The following MAGI1 variants were observed in gnomAD, a reference collection of about 807,000 sequenced individuals.
MAGI1 encodes the protein membrane-associated guanylate kinase, WW and PDZ domain-containing protein 1.
MAGI1 carries 58 observed loss-of-function variants against 139.9 expected under a neutral mutation model. The observed-to-expected ratio is 0.41, with a 90% CI of 0.34 to 0.52. The LOEUF (loss-of-function observed/expected upper bound fraction) is 0.52. Among genes scored for constraint, MAGI1 ranks in the 20% least tolerant of loss-of-function variants. The pLI is 0.12. For missense variants in MAGI1, 1,874 were observed against 1,901.6 expected (o/e 0.99, Z 0.27); for synonymous variants, 812 against 737.9 (o/e 1.10, Z -1.63).
intron 1 of MAGI1, among the ~76,000 whole-genome samples, chr3:65,961,033 A>T (rs1318289328): frequency 6.6e-6 from 1 of 152,256 alleles, no homozygotes; most frequent in African/African-American, 2.4e-5. Context: ...TTGATATGCC[A>T]AATGAGAAAT....
chr3:65,946,467 C>A (rs1251240521), intron 1 of MAGI1, among the ~76,000 whole-genome samples: 1 of 151,782 alleles, frequency 6.6e-6, no homozygotes, highest in Non-Finnish European at 1.5e-5. Context: ...TTCCGTTGGG[C>A]AGAAATTTCA....
intron 1 of MAGI1, among the ~76,000 whole-genome samples, chr3:65,713,096 T>C (rs1012244084): frequency 2.0e-5 from 3 of 152,286 alleles, no homozygotes; most frequent in Admixed American, 6.5e-5. Context: ...AGAGAGAGAA[T>C]AGCTTTCCAG....
At chr3:65,985,750 G>A (rs1394026206) in intron 1 of MAGI1, among the ~76,000 whole-genome samples, 6 of 152,138 alleles carry the variant, frequency 3.9e-5, no homozygotes, top group Non-Finnish European at 5.9e-5. Context: ...GAGAGGGGGT[G>A]GTTTTCAGTA....
chr3:65,419,319 G>A (rs1043042915), intron 12 of MAGI1, among the ~76,000 whole-genome samples: 1 of 151,832 alleles, frequency 6.6e-6, no homozygotes, highest in African/African-American at 2.4e-5. Context: ...ATGTATGCAT[G>A]CGTGGGTATA....
chr3:65,448,813 G>A (rs930426521), intron 6 of MAGI1, among the ~76,000 whole-genome samples: 1 of 152,006 alleles, frequency 6.6e-6, no homozygotes, highest in African/African-American at 2.4e-5. Flanking sequence ...AATCCTTTCT[G>A]TTCTTGACCT....
chr3:65,459,793 A>G (rs181765502), intron 5 of MAGI1, among the ~76,000 whole-genome samples: 56 of 152,194 alleles, frequency 3.7e-4, no homozygotes, highest in Admixed American at 3.2e-3. Context: ...GTGTAGTGGC[A>G]TGTACCTGTA....
chr3:65,846,990 A>AAC (rs1478660818), intron 1 of MAGI1, among the ~76,000 whole-genome samples: 1 of 151,392 alleles, frequency 6.6e-6, no homozygotes, highest in African/African-American at 2.4e-5. Context: ...AAAAAAAAAA[A>AAC]AAAAAACCCT....
intron 1 of MAGI1, among the ~76,000 whole-genome samples, chr3:65,736,154 C>G (rs1237948931): frequency 1.3e-5 from 2 of 152,206 alleles, no homozygotes; most frequent in Non-Finnish European, 2.9e-5. Context: ...TCATTCAATT[C>G]TCTTATGGTT....
intron 1 of MAGI1, among the ~76,000 whole-genome samples, chr3:65,968,008 T>C (rs2064842409): frequency 6.6e-6 from 1 of 152,192 alleles, no homozygotes; most frequent in Non-Finnish European, 1.5e-5. Flanking sequence ...CTATGACTGG[T>C]GCTGTACGGA....
intron 1 of MAGI1, among the ~76,000 whole-genome samples, chr3:66,027,913 C>T (rs1364931634): frequency 1.3e-5 from 2 of 152,180 alleles, no homozygotes; most frequent in African/African-American, 4.8e-5. Flanking sequence ...AAAATGGCTC[C>T]AGACGTTGCC....
At chr3:65,530,547 G>A (rs180796379) in intron 2 of MAGI1, among the ~76,000 whole-genome samples, 4 of 150,566 alleles carry the variant, frequency 2.7e-5, no homozygotes, top group Non-Finnish European at 5.9e-5. Context: ...AGCCCAGGAG[G>A]CAGAGGTTGC....
intron 1 of MAGI1, among the ~76,000 whole-genome samples, chr3:66,005,433 T>C (rs1468689430): frequency 1.3e-5 from 2 of 152,234 alleles, no homozygotes; most frequent in African/African-American, 4.8e-5. Context: ...GTTACATCAC[T>C]AAGCAGGAAC....
intron 1 of MAGI1, among the ~76,000 whole-genome samples, chr3:65,662,472 G>A (rs75944446): frequency 0.26 from 40,256 of 152,174 alleles, 6,637 homozygotes; most frequent in South Asian, 0.4. Context: ...CCATGGCCGC[G>A]TTCCAGTAAA....
intron 1 of MAGI1, among the ~76,000 whole-genome samples, chr3:65,887,957 C>T (rs1221690349): frequency 6.6e-6 from 1 of 152,164 alleles, no homozygotes; most frequent in African/African-American, 2.4e-5. Context: ...GTATATTACA[C>T]TCTCAATAAC....
chr3:65,688,128 G>A (rs576174978), intron 1 of MAGI1: 140 of 769,632 alleles, frequency 1.8e-4, no homozygotes, highest in African/African-American at 5.0e-4. Context: ...GATTCTAGGT[G>A]CAGGACTGTT....
chr3:65,650,484 A>G (rs1262310041), intron 1 of MAGI1, among the ~76,000 whole-genome samples: 1 of 152,240 alleles, frequency 6.6e-6, no homozygotes, highest in East Asian at 1.9e-4. Flanking sequence ...TACATGCAAC[A>G]GCCTAGAGGA....
intron 1 of MAGI1, among the ~76,000 whole-genome samples, chr3:65,680,059 T>C (rs2087472786): frequency 6.6e-6 from 1 of 152,210 alleles, no homozygotes; most frequent in Non-Finnish European, 1.5e-5. Context: ...ATCCCAAAGC[T>C]TTTTCCCTTC....
At chr3:65,439,817 A>G (rs1948129170) in intron 9 of MAGI1, 62 bp downstream of exon 9, 2 of 1,600,864 alleles carry the variant, frequency 1.2e-6, no homozygotes, top group Admixed American at 1.7e-5. Context: ...CGAGGGTGTC[A>G]GCGCTCAGAT....
chr3:65,970,584 C>A (rs188006068), intron 1 of MAGI1, among the ~76,000 whole-genome samples: 5 of 151,340 alleles, frequency 3.3e-5, no homozygotes, highest in Non-Finnish European at 7.4e-5. Context: ...CCATTGCTCA[C>A]AATTCTTTAC....
Sources: allele counts gnomAD v4.1 joint callset (sites outside exome capture counted in the v4.1 genomes callset), GRCh38; gene constraint gnomAD v4.1.1; transcripts MANE v1.5; gene names NCBI Gene and HGNC (gene_info 2026-07-23, HGNC 2026-07-21).